ATL1: variants seen among roughly 807,000 people sequenced by gnomAD.
ATL1 encodes atlastin-1.
Under a neutral mutation model 75.5 loss-of-function variants are expected in ATL1, and 31 were observed. That is an observed-to-expected ratio of 0.41 (90% CI 0.31 to 0.55). The LOEUF is 0.55. ATL1 is among the 20% of genes least tolerant of loss of function. The pLI, the probability that ATL1 is intolerant of heterozygous loss-of-function variation, is 0.27. For synonymous variants in ATL1, 226 were observed against 233.3 expected (o/e 0.97, Z 0.28); for missense variants, 405 against 662.6 (o/e 0.61, Z 4.27).
At chr14:50,627,280 G>A (rs1403324805) in intron 11 of ATL1, among the ~76,000 whole-genome samples, 1 of 152,150 alleles carries the variant, frequency 6.6e-6, no homozygotes, top group Non-Finnish European at 1.5e-5. Flanking sequence ...TTTTAGATAT[G>A]CTACTGCACA....
intron 8 of ATL1, among the ~76,000 whole-genome samples, chr14:50,616,355 G>A (rs1201203616): frequency 2.6e-5 from 4 of 152,032 alleles, no homozygotes; most frequent in South Asian, 2.1e-4. Context: ...GGAGTGCAGC[G>A]GTGTGAACAT....
At chr14:50,589,529 T>C (rs1443369993) in intron 2 of ATL1, among the ~76,000 whole-genome samples, 2 of 152,148 alleles carry the variant, frequency 1.3e-5, no homozygotes, top group South Asian at 2.1e-4. Flanking sequence ...GAAAGCTTCA[T>C]AGAGATATTG....
chr14:50,575,722 G>T (rs1020996447), intron 1 of ATL1, among the ~76,000 whole-genome samples: 1 of 151,432 alleles, frequency 6.6e-6, no homozygotes, highest in Non-Finnish European at 1.5e-5. Flanking sequence ...CCCAGAGTTT[G>T]TCATCTTACT....
intron 1 of ATL1, among the ~76,000 whole-genome samples, chr14:50,573,270 A>G (rs2038971167): frequency 6.6e-6 from 1 of 152,198 alleles, no homozygotes; most frequent in East Asian, 1.9e-4. Flanking sequence ...TTTGTTCTTG[A>G]TTTCATACTT....
chr14:50,604,683 A>T (rs1437903105), intron 6 of ATL1, among the ~76,000 whole-genome samples: 3 of 152,138 alleles, frequency 2.0e-5, no homozygotes, highest in Non-Finnish European at 4.4e-5. Flanking sequence ...CAAAATATTT[A>T]TACTGGGCAT....
intron 1 of ATL1, among the ~76,000 whole-genome samples, chr14:50,535,434 C>T (rs2038479368): frequency 1.3e-5 from 2 of 151,756 alleles, no homozygotes; most frequent in Admixed American, 1.3e-4. Context: ...TGGTAATCTC[C>T]TGATTAATCT....
intron 11 of ATL1, among the ~76,000 whole-genome samples, chr14:50,626,275 T>C (rs1595623784): frequency 2.0e-5 from 3 of 152,224 alleles, no homozygotes; most frequent in South Asian, 4.1e-4. Flanking sequence ...GCAAAGTACA[T>C]TGAAAACCTT....
chr14:50,598,424 G>T (rs1180406953), intron 6 of ATL1, among the ~76,000 whole-genome samples: 1 of 151,924 alleles, frequency 6.6e-6, no homozygotes, highest in African/African-American at 2.4e-5. Context: ...GCAATGTCAT[G>T]ATCTCGGCTC....
At chr14:50,588,108 T>C in intron 2 of ATL1, 30 bp downstream of exon 2, 1 of 1,613,606 alleles carries the variant, frequency 6.2e-7, no homozygotes, top group Non-Finnish European at 8.5e-7. Context: ...AAAAGTTTTC[T>C]TTCTTCTGTG....
rs753482250 is a variant in ATL1 at position 50,591,573 on chromosome 14, TAGTC to T, written c.462_465del (p.Ser155LeufsTer2). Reference sequence around the variant, plus strand: ...TGATGGATACTCAGGGAACCTTTGATAGTCAGTCAACTTTGAGAGATTCAGCCAC... The same window carrying T: ...TGATGGATACTCAGGGAACCTTTGATAGTCAACTTTGAGAGATTCAGCCAC... On this transcript the variant is annotated frameshift_variant, in exon 4 of 14. Coordinates refer to ENST00000358385, the MANE Select transcript of ATL1 (RefSeq NM_015915.5). LOFTEE classifies it high-confidence loss of function. 6.2e-7 allele frequency: 1 copy of T among 1,613,766 alleles called. No homozygotes were observed. The highest frequency in any genetic ancestry group is 8.5e-7 in the Non-Finnish European group (1 of 1,179,786).
chr14:50,610,854 A>C (rs1595612854), intron 6 of ATL1, among the ~76,000 whole-genome samples: 1 of 152,092 alleles, frequency 6.6e-6, no homozygotes, highest in South Asian at 2.1e-4. Context: ...GGAGTTATCT[A>C]TTTCTTTTTC....
intron 12 of ATL1, chr14:50,628,675 C>T (rs1209172016): frequency 7.1e-6 from 5 of 703,330 alleles, no homozygotes; most frequent in African/African-American, 7.1e-5. Context: ...AACATTTCAG[C>T]ATTTAAAAAA....
In ATL1 at chr14:50,584,608, C is replaced by T. The variant is rs374422500; in HGVS notation, c.35-3223C>T. On this transcript the variant is annotated intron_variant, in intron 1 of 13. Transcript: ENST00000358385. ...CCTGTAGTCCCAGCTATTCAGGAGG[C>T]TGAAGCAGGAGAATGGCGTGAACCC... Among the ~76,000 whole-genome samples the T allele has an allele frequency of 9.9e-5, 15 of 151,976 alleles. No homozygotes were observed. The East Asian group carries it at 2.1e-3, about 22-fold the overall frequency.
chr14:50,582,459 G>C (rs1361470804), intron 1 of ATL1, among the ~76,000 whole-genome samples: 2 of 149,876 alleles, frequency 1.3e-5, no homozygotes, highest in African/African-American at 4.9e-5. Flanking sequence ...ACCCAGGCTG[G>C]CGTGCAGTGG....
intron 1 of ATL1, among the ~76,000 whole-genome samples, chr14:50,562,328 G>A (rs1343217928): frequency 1.3e-5 from 2 of 152,196 alleles, no homozygotes; most frequent in African/African-American, 4.8e-5. Flanking sequence ...ACAGGAGCGA[G>A]CCACCATTCC....
chr14:50,542,533 C>G (rs1007009255), intron 1 of ATL1: 1 of 152,144 alleles, frequency 6.6e-6, no homozygotes, highest in Non-Finnish European at 1.5e-5. Flanking sequence ...ACATGGGCAG[C>G]AGAATTCCGT....
At chr14:50,534,284 G>A (rs1228236396) in intron 1 of ATL1, among the ~76,000 whole-genome samples, 2 of 152,182 alleles carry the variant, frequency 1.3e-5, no homozygotes, top group Admixed American at 6.5e-5. Flanking sequence ...CTAGTATGAC[G>A]TTAAAGAGAA....
In ATL1 at chr14:50,633,008, C is replaced by CTA. The variant is rs959376525; in HGVS notation, c.*671_*672dup. 14 of 152,118 alleles carry CTA rather than the reference C, an allele frequency of 9.2e-5. No individual in the cohort carries two copies. The highest frequency in any genetic ancestry group is 3.4e-4 in the African/African-American group (14 of 41,512). The allele number at this position is 152,118 out of a possible 1,614,324, so 9.4% of individuals were successfully genotyped here. A position where few individuals can be genotyped will look rare whatever the true frequency, so the allele number is the denominator to read the frequency against. ...TAGGTTTATTCTTTTAATATGTGAA[C>CTA]TATTATTAAAGTTTACTCTGGTTCC... On this transcript the variant is annotated 3_prime_UTR_variant, in exon 14 of 14. Coordinates refer to ENST00000358385, the MANE Select transcript of ATL1 (RefSeq NM_015915.5).
intron 6 of ATL1, among the ~76,000 whole-genome samples, chr14:50,605,198 C>T (rs1488813072): frequency 2.0e-5 from 3 of 150,954 alleles, no homozygotes; most frequent in East Asian, 1.9e-4. Flanking sequence ...GTAAATCATA[C>T]GTATTATAGG....
Sources: gnomAD v4.1 joint callset for allele counts (sites outside exome capture counted in the v4.1 genomes callset) on GRCh38, gnomAD v4.1.1 for gene constraint, MANE v1.5 for transcripts, NCBI Gene and HGNC (gene_info 2026-07-23, HGNC 2026-07-21) for gene names.